Variants in AGBL2 observed in about 807,000 individuals in gnomAD.
AGBL2 encodes the protein cytosolic carboxypeptidase 2.
In AGBL2, 87 loss-of-function variants were observed where a neutral mutation model predicts 103.0. The ratio of observed to expected loss-of-function variants is 0.84; its 90% CI spans 0.71 to 1.01. The LOEUF (loss-of-function observed/expected upper bound fraction) is 1.01. AGBL2 is among the 50% of genes least tolerant of loss of function. The pLI is 0.00. For missense variants in AGBL2, 904 were observed against 1,023.5 expected (o/e 0.88, Z 1.59); for synonymous variants, 335 against 356.7 (o/e 0.94, Z 0.69).
intron 11 of AGBL2, among the ~76,000 whole-genome samples, chr11:47,684,529 C>G (rs908088298): frequency 6.7e-6 from 1 of 149,430 alleles, no homozygotes; most frequent in Non-Finnish European, 1.5e-5. Context: ...GCACTCCATC[C>G]TGGGCGACAG....
At chr11:47,666,453 C>A (rs2097341636) in intron 17 of AGBL2, among the ~76,000 whole-genome samples, 1 of 150,418 alleles carries the variant, frequency 6.6e-6, no homozygotes, top group African/African-American at 2.4e-5. Flanking sequence ...AAGTACTAAA[C>A]ATTGGCTGAG....
intron 12 of AGBL2, 96 bp from the exon 13 acceptor site, chr11:47,680,169 T>C: frequency 1.3e-6 from 1 of 763,982 alleles, no homozygotes; most frequent in Non-Finnish European, 2.0e-6. Flanking sequence ...ATACCACCAC[T>C]GGCCAGGCGG....
intron 13 of AGBL2, among the ~76,000 whole-genome samples, chr11:47,679,218 A>T (rs946388640): frequency 6.6e-6 from 1 of 151,864 alleles, no homozygotes; most frequent in South Asian, 2.1e-4. Context: ...CAGGAGCTGG[A>T]GACCAGCCTG....
intron 5 of AGBL2, 75 bp downstream of exon 5, chr11:47,705,789 G>T: frequency 7.7e-7 from 1 of 1,306,250 alleles, no homozygotes; most frequent in Admixed American, 1.7e-5. Context: ...CTTAGGTCTG[G>T]TGGGAACAGC....
chr11:47,683,978 C>T (rs975827118), intron 11 of AGBL2, among the ~76,000 whole-genome samples: 11 of 150,722 alleles, frequency 7.3e-5, no homozygotes, highest in South Asian at 2.1e-4. Context: ...CCGTGCGTGG[C>T]GTGGTGGCTC....
intron 8 of AGBL2, among the ~76,000 whole-genome samples, chr11:47,697,826 G>A (rs1181192866): frequency 6.6e-6 from 1 of 151,378 alleles, no homozygotes; most frequent in Non-Finnish European, 1.5e-5. Flanking sequence ...GATTACAGGC[G>A]TGAGTCATCG....
intron 4 of AGBL2, among the ~76,000 whole-genome samples, chr11:47,707,332 C>G (rs540301376): frequency 6.6e-6 from 1 of 152,294 alleles, no homozygotes; most frequent in African/African-American, 2.4e-5. Context: ...AAAGACATAC[C>G]TGAGACTGGG....
chr11:47,691,676 C>T (rs955866552), intron 9 of AGBL2, among the ~76,000 whole-genome samples: 1 of 116,158 alleles, frequency 8.6e-6, no homozygotes, highest in African/African-American at 3.2e-5. Context: ...TCACTGCACT[C>T]CAGCCTGGGC....
At chr11:47,710,814 T>G (rs1334548502) in intron 3 of AGBL2, 1 of 483,186 alleles carries the variant, frequency 2.1e-6, no homozygotes, top group South Asian at 1.5e-5. Flanking sequence ...GTGTTGGAAC[T>G]CAGAAAATGA....
At chr11:47,675,255 T>C (rs1005434445) in intron 14 of AGBL2, among the ~76,000 whole-genome samples, 3 of 146,858 alleles carry the variant, frequency 2.0e-5, no homozygotes, top group African/African-American at 5.0e-5. Context: ...ATAGCGCAGA[T>C]TGTAGTACAC....
intron 8 of AGBL2, among the ~76,000 whole-genome samples, chr11:47,698,966 CAAAAAAA>C (rs5791781): frequency 8.5e-6 from 1 of 117,576 alleles, no homozygotes. Flanking sequence ...GTAGGAATGG[CAAAAAAA>C]AAAAAAAAAA....
chr11:47,680,330 T>G (rs1352234414), intron 12 of AGBL2, among the ~76,000 whole-genome samples: 1 of 151,856 alleles, frequency 6.6e-6, no homozygotes, highest in African/African-American at 2.4e-5. Flanking sequence ...GGTGGGCGCC[T>G]GTAGCCTGTA....
intron 14 of AGBL2, 131 bp from the exon 15 acceptor site, chr11:47,669,038 A>G (rs2097349340): frequency 4.7e-6 from 3 of 633,934 alleles, no homozygotes; most frequent in Admixed American, 2.8e-5. Flanking sequence ...CTCATTGTCT[A>G]TGCTTCAATT....
At chr11:47,680,786 GAAACAAAACAAAACA>G (rs56208874) in intron 12 of AGBL2, among the ~76,000 whole-genome samples, 5 of 147,494 alleles carry the variant, frequency 3.4e-5, no homozygotes, top group Admixed American at 6.9e-5. Context: ...GGGAGACCCT[GAAACAAAACAAAACA>G]AAACAAAACA....
chr11:47,676,948 A>G (rs2097377768), intron 14 of AGBL2, among the ~76,000 whole-genome samples: 1 of 152,098 alleles, frequency 6.6e-6, no homozygotes, highest in African/African-American at 2.4e-5. Flanking sequence ...GGCCCTACAC[A>G]AACTGCCTGC....
chr11:47,712,701 C>T (rs1055584620), intron 3 of AGBL2, among the ~76,000 whole-genome samples: 4 of 151,998 alleles, frequency 2.6e-5, no homozygotes, highest in East Asian at 1.9e-4. Flanking sequence ...GTCAGGAGTT[C>T]GAGAACAGCC....
chr11:47,689,939 G>T, intron 10 of AGBL2, 137 bp downstream of exon 10: 1 of 681,798 alleles, frequency 1.5e-6, no homozygotes. Context: ...ACTACAAAGA[G>T]ACTGGTAAGG....
rs1428133819 is a variant in AGBL2, at chr11:47,690,797, A to G, written c.910T>C (p.Trp304Arg). The G allele has an allele frequency of 6.2e-7, 1 of 1,613,956 alleles. No homozygotes were observed. The highest frequency in any genetic ancestry group is 1.1e-5 in the South Asian group (1 of 91,076). Reference protein sequence around the residue: ...TDLYTNKHTQWFYFRVQNTRK... With the variant: ...TDLYTNKHTQRFYFRVQNTRK... ...GTGTTCTGAACACGAAAATAAAACC[A>G]CTGAGTGTGTTTGTTAGTGTAGAGG... Residue 304 changes from tryptophan (W) to arginine (R), a missense_variant, in exon 10 of 19, where the codon TGG becomes CGG. Physicochemically the swap from Trp to Arg is moderately radical, Grantham distance 101. Coordinates refer to ENST00000525123, the MANE Select transcript of AGBL2 (RefSeq NM_024783.4).
At chr11:47,669,943 T>C (rs2097352427) in intron 14 of AGBL2, among the ~76,000 whole-genome samples, 1 of 152,218 alleles carries the variant, frequency 6.6e-6, no homozygotes, top group Non-Finnish European at 1.5e-5. Context: ...GCACATTCAT[T>C]CATTCACTCC....
Sources: allele counts gnomAD v4.1 joint callset (sites outside exome capture counted in the v4.1 genomes callset), GRCh38; gene constraint gnomAD v4.1.1; transcripts MANE v1.5; gene names NCBI Gene and HGNC (gene_info 2026-07-23, HGNC 2026-07-21).